HCN1: variants seen among roughly 807,000 people sequenced by gnomAD.
HCN1 encodes the protein hyperpolarization activated cyclic nucleotide gated potassium channel 1, also known as potassium/sodium hyperpolarization-activated cyclic nucleotide-gated channel 1.
Under a neutral mutation model 78.9 loss-of-function variants are expected in HCN1, and 13 were observed. The observed-to-expected ratio is 0.16, with a 90% CI of 0.11 to 0.26. The LOEUF (loss-of-function observed/expected upper bound fraction) is 0.26. Ranked by LOEUF, HCN1 falls within the 10% of genes least tolerant of loss-of-function variation. The pLI is 1.00. For missense variants in HCN1, 810 were observed against 1,154.3 expected, an observed-to-expected ratio of 0.70 and a Z score of 4.32; for synonymous variants, 552 against 455.5, an observed-to-expected ratio of 1.21 and a Z score of -2.70.
intron 3 of HCN1, among the ~76,000 whole-genome samples, chr5:45,451,591 G>A (rs1315760901): frequency 6.6e-6 from 1 of 151,700 alleles, no homozygotes; most frequent in East Asian, 1.9e-4. Flanking sequence ...GGAGCAATGG[G>A]GAGATAATAA....
intron 5 of HCN1, among the ~76,000 whole-genome samples, chr5:45,308,124 A>G (rs1344401453): frequency 2.0e-5 from 3 of 152,020 alleles, no homozygotes; most frequent in African/African-American, 7.2e-5. Context: ...TGATTGCTAA[A>G]AGGTGTCTGG....
In HCN1 at chr5:45,645,590, T is replaced by G. The variant is rs1745533588; in HGVS notation, c.444A>C (p.Ile148=). Residue 148 remains isoleucine, a synonymous_variant, in exon 2 of 8, where the codon ATA becomes ATC. Coordinates refer to ENST00000303230, the MANE Select transcript of HCN1 (RefSeq NM_021072.4). ...GATTTCCAACCATCATTATAAGCAT[T>G]ATTAAATCCCAGTAAAACCTACAAC... ...YSDFRFYWDL[I]MLIMMVGNLV... The G allele has an allele frequency of 2.5e-6, 4 of 1,603,996 alleles. No individual in the cohort carries two copies. Among genetic ancestry groups the G allele is most frequent in the Non-Finnish European group, 3.4e-6 (4 of 1,176,246 alleles).
intron 2 of HCN1, among the ~76,000 whole-genome samples, chr5:45,624,258 A>C (rs1745121197): frequency 6.6e-6 from 1 of 152,218 alleles, no homozygotes; most frequent in African/African-American, 2.4e-5. Flanking sequence ...CAAGTGTAGA[A>C]GTAATAAAAC....
At chr5:45,653,621 G>A (rs1439460605) in intron 1 of HCN1, among the ~76,000 whole-genome samples, 2 of 151,780 alleles carry the variant, frequency 1.3e-5, no homozygotes, top group African/African-American at 2.4e-5. Flanking sequence ...ATTTCCCAAT[G>A]ATCAAATTCC....
rs144692708 is a variant in HCN1 at position 45,344,351 on chromosome 5, G to A, written c.1377+8749C>T. Among the ~76,000 whole-genome samples the A allele has an allele frequency of 3.3e-3, 508 of 152,086 alleles. 2 individuals are homozygous for A. The highest frequency in any genetic ancestry group is 0.012 in the African/African-American group (484 of 41,498). On this transcript the variant is annotated intron_variant, in intron 5 of 7. Coordinates refer to ENST00000303230, the MANE Select transcript of HCN1 (RefSeq NM_021072.4). ...AGCCAAACCATATCATTCCACCCCT[G>A]CCCCCTACCAAATCTCATGTCCTCA...
intron 3 of HCN1, among the ~76,000 whole-genome samples, chr5:45,445,796 A>G (rs1299920060): frequency 6.6e-6 from 1 of 152,188 alleles, no homozygotes; most frequent in African/African-American, 2.4e-5. Context: ...GTGGCCCTCT[A>G]GCAAACTCCA....
intron 5 of HCN1, among the ~76,000 whole-genome samples, chr5:45,343,900 T>C (rs1746641553): frequency 6.6e-6 from 1 of 152,066 alleles, no homozygotes; most frequent in African/African-American, 2.4e-5. Context: ...TCAGGAACTG[T>C]GTTTTGTTAA....
At chr5:45,367,734 C>T (rs1243086587) in intron 4 of HCN1, among the ~76,000 whole-genome samples, 3 of 151,812 alleles carry the variant, frequency 2.0e-5, no homozygotes, top group Admixed American at 6.6e-5. Flanking sequence ...AAAGAACTTC[C>T]AATCTAACTA....
intron 6 of HCN1, among the ~76,000 whole-genome samples, chr5:45,284,239 G>A (rs1745225888): frequency 6.6e-6 from 1 of 151,970 alleles, no homozygotes; most frequent in African/African-American, 2.4e-5. Context: ...CCCATGACAT[G>A]AATTTACTTA....
In HCN1 at chr5:45,656,910, C is replaced by A. The variant is rs558284815; in HGVS notation, c.426-11302G>T. ...TGTCCTACAGGGATAAATAAGAATG[C>A]CATTTCTATCTAGTATATGTTCTTT... is the stretch of plus-strand genomic sequence containing the variant. On this transcript the variant is annotated intron_variant, in intron 1 of 7. Transcript: ENST00000303230. Among the ~76,000 whole-genome samples, 17 of 151,718 alleles carry A rather than the reference C, an allele frequency of 1.1e-4. 1 individual carries two copies. Among genetic ancestry groups the A allele is most frequent in the African/African-American group, 4.1e-4 (17 of 41,360 alleles).
chr5:45,335,884 C>T (rs778979469), intron 5 of HCN1, among the ~76,000 whole-genome samples: 3 of 151,896 alleles, frequency 2.0e-5, no homozygotes, highest in South Asian at 2.1e-4. Context: ...TAGTTAGTAG[C>T]GGAGCTGGAT....
chr5:45,467,618 T>G (rs893773691), intron 2 of HCN1, among the ~76,000 whole-genome samples: 1 of 152,088 alleles, frequency 6.6e-6, no homozygotes, highest in Non-Finnish European at 1.5e-5. Flanking sequence ...GATAGCAACC[T>G]TAGTTGAGGC....
chr5:45,285,927 G>A (rs1189131263), intron 6 of HCN1, among the ~76,000 whole-genome samples: 1 of 151,882 alleles, frequency 6.6e-6, no homozygotes. Context: ...TTTGCCATCA[G>A]TTCCTCATCT....
intron 5 of HCN1, among the ~76,000 whole-genome samples, chr5:45,306,769 G>T (rs184741985): frequency 3.9e-5 from 6 of 151,946 alleles, no homozygotes; most frequent in Admixed American, 3.9e-4. Flanking sequence ...ATTACTTATG[G>T]CACTTGTTAT....
At chr5:45,326,472 ATTATAG>A (rs1746235779) in intron 5 of HCN1, among the ~76,000 whole-genome samples, 1 of 151,702 alleles carries the variant, frequency 6.6e-6, no homozygotes, top group East Asian at 1.9e-4. Flanking sequence ...TCTTATGTTA[ATTATAG>A]TTATATTAAG....
At chr5:45,639,241 A>G (rs1745410662) in intron 2 of HCN1, among the ~76,000 whole-genome samples, 1 of 152,218 alleles carries the variant, frequency 6.6e-6, no homozygotes, top group South Asian at 2.1e-4. Flanking sequence ...AACATAACCA[A>G]TAGAGGACAC....
chr5:45,267,283 C>T (rs1279085646), intron 6 of HCN1, 30 bp from the exon 7 acceptor site: 1 of 1,607,246 alleles, frequency 6.2e-7, no homozygotes, highest in African/African-American at 1.3e-5. Context: ...AGAAGAATGA[C>T]TTGTTTGATC....
At chr5:45,324,769 G>C (rs1746201379) in intron 5 of HCN1, among the ~76,000 whole-genome samples, 1 of 151,728 alleles carries the variant, frequency 6.6e-6, no homozygotes, top group South Asian at 2.1e-4. Flanking sequence ...AAATGTCACT[G>C]AAAAGCTCTG....
intron 1 of HCN1, among the ~76,000 whole-genome samples, chr5:45,675,150 C>G (rs1746240820): frequency 6.6e-6 from 1 of 151,662 alleles, no homozygotes; most frequent in Admixed American, 6.6e-5. Context: ...AAGAAGCATA[C>G]TGTCACATAC....
Sources: gnomAD v4.1 joint callset for allele counts (sites outside exome capture counted in the v4.1 genomes callset) on GRCh38, gnomAD v4.1.1 for gene constraint, MANE v1.5 for transcripts, NCBI Gene and HGNC (gene_info 2026-07-23, HGNC 2026-07-21) for gene names.